Variants in PRMT7 observed in about 807,000 individuals in gnomAD.
The protein encoded by PRMT7 is protein arginine N-methyltransferase 7.
Under a neutral mutation model 85.4 loss-of-function variants are expected in PRMT7, and 75 were observed. The observed-to-expected ratio is 0.88, with a 90% CI of 0.73 to 1.06. The LOEUF is 1.06. Among genes scored for constraint, PRMT7 ranks in the 50% least tolerant of loss-of-function variants. The pLI is 0.00. For missense variants in PRMT7, 868 were observed against 915.2 expected (o/e 0.95, Z 0.67); for synonymous variants, 397 against 359.5 (o/e 1.10, Z -1.18).
intron 14 of PRMT7, among the ~76,000 whole-genome samples, chr16:68,348,714 C>A (rs577394587): frequency 7.4e-6 from 1 of 135,982 alleles, no homozygotes; most frequent in East Asian, 2.2e-4. Flanking sequence ...ACGATCTTGG[C>A]TTACTGCAGC....
At chr16:68,351,906 A>T in intron 14 of PRMT7, 1 of 183,318 alleles carries the variant, frequency 5.5e-6, no homozygotes, top group South Asian at 1.5e-4. Context: ...TCCCTCCATG[A>T]CCCCCTTCCT....
At chr16:68,352,138 G>GT (rs2087481227) in intron 14 of PRMT7, 110 bp from the exon 15 acceptor site, 3 of 1,167,252 alleles carry the variant, frequency 2.6e-6, no homozygotes. Context: ...GAGGGAGGGA[G>GT]TGAGGGAGTG....
chr16:68,348,341 G>A lies in PRMT7; in HGVS notation c.1324-1G>A. ...AGTAATTTTACGGTTTTCTTTCTAAGATCTTCAAGGCTAACCACTTGGAAG... is the reference window on the plus strand; with the variant it reads ...AGTAATTTTACGGTTTTCTTTCTAAAATCTTCAAGGCTAACCACTTGGAAG... On this transcript the variant is annotated splice_acceptor_variant, in intron 13 of 18. Coordinates refer to ENST00000441236, the MANE Select transcript of PRMT7 (RefSeq NM_019023.5). LOFTEE classifies it high-confidence loss of function. 6.3e-7 allele frequency: 1 copy of A among 1,591,884 alleles called. No individual in the cohort carries two copies. The highest frequency in any genetic ancestry group is 8.6e-7 in the Non-Finnish European group (1 of 1,161,344).
At position 68,348,367 on chromosome 16, in the gene PRMT7, A is replaced by G. The variant is rs748196122; in HGVS notation, c.1349A>G (p.Asp450Gly). ...ATCTTCAAGGCTAACCACTTGGAAG[A>G]TAAAATTAACATCATAGAGAAACGG... is the stretch of plus-strand genomic sequence containing the variant. ...RKIFKANHLE[D>G]KINIIEKRPE... The change falls in exon 14 of 19, where the codon GAT becomes GGT. Residue 450 changes from aspartate to glycine, a missense_variant. By Grantham distance (94) the Asp-to-Gly change is moderately conservative (BLOSUM62 -1). Coordinates refer to ENST00000441236, the MANE Select transcript of PRMT7 (RefSeq NM_019023.5). 5 of 1,609,696 alleles carry G rather than the reference A, an allele frequency of 3.1e-6. No homozygotes were observed.
At chr16:68,353,384 G>A (rs1178960295) in intron 15 of PRMT7, 108 bp from the exon 16 acceptor site, 2 of 1,560,904 alleles carry the variant, frequency 1.3e-6, no homozygotes, top group African/African-American at 1.4e-5. Flanking sequence ...ATACTTGGGG[G>A]TCTCTTTCAG....
chr16:68,345,558 C>G, intron 9 of PRMT7, 117 bp from the exon 10 acceptor site: 1 of 1,432,010 alleles, frequency 7.0e-7, no homozygotes, highest in South Asian at 1.2e-5. Context: ...CAATAGCCAG[C>G]TGTAGTCTAC....
intron 4 of PRMT7, chr16:68,324,339 A>G (rs967305352): frequency 3.6e-6 from 1 of 279,428 alleles, no homozygotes; most frequent in African/African-American, 2.3e-5. Flanking sequence ...AGCATGCAGA[A>G]AGGAGCAAGC....
chr16:68,344,807 A>G (rs182118778), intron 9 of PRMT7, among the ~76,000 whole-genome samples: 3 of 152,054 alleles, frequency 2.0e-5, no homozygotes, highest in African/African-American at 7.2e-5. Flanking sequence ...TATTTTGAAA[A>G]ATTATATATC....
At chr16:68,311,683 G>C (rs2043738599) in intron 1 of PRMT7, 1 of 152,154 alleles carries the variant, frequency 6.6e-6, no homozygotes, top group Admixed American at 6.5e-5. Flanking sequence ...TCAGGCTTTT[G>C]GCACATTTTG....
intron 6 of PRMT7, 28 bp from the exon 7 acceptor site, chr16:68,337,431 T>A: frequency 6.6e-7 from 1 of 1,524,382 alleles, no homozygotes; most frequent in South Asian, 1.1e-5. Context: ...GTTGCTTATG[T>A]CCAACTCTGT....
At chr16:68,331,302 A>G (rs1353776353) in intron 6 of PRMT7, among the ~76,000 whole-genome samples, 1 of 151,708 alleles carries the variant, frequency 6.6e-6, no homozygotes, top group South Asian at 2.1e-4. Context: ...TGTGTTACTG[A>G]GCAGCACTCT....
downstream of PRMT7, chr16:68,359,435 G>C (rs959912797): frequency 2.0e-5 from 3 of 152,706 alleles, no homozygotes; most frequent in Admixed American, 1.3e-4. Flanking sequence ...TCCCAGGCCA[G>C]GTGAGTTCAG....
downstream of PRMT7, chr16:68,360,592 A>T (rs918154686): frequency 6.5e-6 from 1 of 153,112 alleles, no homozygotes; most frequent in Non-Finnish European, 1.5e-5. Flanking sequence ...TTGCCCTTGA[A>T]TGCGAGACCC....
intron 17 of PRMT7, 100 bp downstream of exon 17, chr16:68,355,983 G>A (rs1487576543): frequency 4.8e-6 from 6 of 1,262,644 alleles, no homozygotes; most frequent in African/African-American, 3.1e-5. Flanking sequence ...ACGCTGACAC[G>A]TGGAGGGGGT....
intron 5 of PRMT7, among the ~76,000 whole-genome samples, chr16:68,327,241 T>C (rs1222793437): frequency 6.6e-6 from 1 of 152,180 alleles, no homozygotes; most frequent in Non-Finnish European, 1.5e-5. Context: ...AGGAAAATCT[T>C]ATCAGGAACA....
chr16:68,339,630 T>TCTTTTTGAGTGGGAAGGAAATCTAGCTG (rs1303110298), intron 8 of PRMT7, 67 bp downstream of exon 8: 2 of 1,601,780 alleles, frequency 1.2e-6, no homozygotes, highest in Non-Finnish European at 1.7e-6. Flanking sequence ...ATTAGGAGGT[T>TCTTTTTGAGTGGGAAGGAAATCTAGCTG]CTTTTTGAGT....
chr16:68,326,089 T>A (rs1042271681), intron 5 of PRMT7, among the ~76,000 whole-genome samples: 4 of 152,198 alleles, frequency 2.6e-5, no homozygotes, highest in African/African-American at 9.7e-5. Flanking sequence ...TTATAGGAAA[T>A]TTGGTAAATA....
intron 5 of PRMT7, among the ~76,000 whole-genome samples, chr16:68,325,602 C>T (rs893686814): frequency 7.9e-5 from 12 of 152,074 alleles, no homozygotes; most frequent in African/African-American, 2.9e-4. Flanking sequence ...ACCAGCCTGA[C>T]CAACATGGTG....
At chr16:68,344,416 A>G (rs1186885922) in intron 9 of PRMT7, among the ~76,000 whole-genome samples, 1 of 152,048 alleles carries the variant, frequency 6.6e-6, no homozygotes, top group African/African-American at 2.4e-5. Flanking sequence ...CTCTCTCCAA[A>G]CGCGTGGGTG....
Sources: gnomAD v4.1 joint callset for allele counts (sites outside exome capture counted in the v4.1 genomes callset) on GRCh38, gnomAD v4.1.1 for gene constraint, MANE v1.5 for transcripts, NCBI Gene and HGNC (gene_info 2026-07-23, HGNC 2026-07-21) for gene names.